MACROD2: variants seen among roughly 807,000 people sequenced by gnomAD.
MACROD2 encodes ADP-ribose glycohydrolase MACROD2.
A neutral mutation model predicts 70.4 loss-of-function variants in MACROD2; 36 were observed. The ratio of observed to expected loss-of-function variants is 0.51; its 90% CI spans 0.39 to 0.68. MACROD2 has a LOEUF of 0.68. MACROD2 is among the 30% of genes least tolerant of loss of function. MACROD2 has a pLI of 0.00. For missense variants in MACROD2, 496 were observed against 538.4 expected, an observed-to-expected ratio of 0.92 and a Z score of 0.78; for synonymous variants, 172 against 178.8, an observed-to-expected ratio of 0.96 and a Z score of 0.30.
chr20:14,242,154 A>G (rs2081935138), intron 3 of MACROD2, among the ~76,000 whole-genome samples: 1 of 152,190 alleles, frequency 6.6e-6, no homozygotes, highest in Non-Finnish European at 1.5e-5. Context: ...TCCTGCATAC[A>G]TTTAAAAAAT....
chr20:14,704,964 T>C (rs1239015410), intron 5 of MACROD2, among the ~76,000 whole-genome samples: 1 of 152,110 alleles, frequency 6.6e-6, no homozygotes, highest in Non-Finnish European at 1.5e-5. Flanking sequence ...TCTTTTTTTT[T>C]TCAATACATT....
intron 2 of MACROD2, among the ~76,000 whole-genome samples, chr20:14,082,168 T>C (rs1569150560): frequency 1.6e-5 from 1 of 64,480 alleles, no homozygotes; most frequent in African/African-American, 6.3e-5. Flanking sequence ...CATACCTTTC[T>C]TTTTTTTTCT....
chr20:14,230,654 T>TATATATATATATATATATAAAAAAAA, intron 3 of MACROD2, among the ~76,000 whole-genome samples: 1 of 74,244 alleles, frequency 1.3e-5, no homozygotes, highest in Non-Finnish European at 2.3e-5. Context: ...TATATATATA[T>TATATATATATATATATATAAAAAAAA]AACACAGGCT....
chr20:14,308,831 A>G (rs1211393227), intron 3 of MACROD2, among the ~76,000 whole-genome samples: 1 of 152,136 alleles, frequency 6.6e-6, no homozygotes, highest in East Asian at 1.9e-4. Flanking sequence ...AGAGAATAGG[A>G]AAGAAAAAAT....
At chr20:14,362,343 G>T (rs1601528597) in intron 3 of MACROD2, among the ~76,000 whole-genome samples, 1 of 152,180 alleles carries the variant, frequency 6.6e-6, no homozygotes, top group Admixed American at 6.5e-5. Flanking sequence ...CCTAGTGATT[G>T]CTGGAGTCAG....
chr20:15,937,556 C>CT lies in MACROD2; in HGVS notation c.907+13dup, dbSNP rs749520094. On this transcript the variant is annotated intron_variant, in intron 12 of 17. Transcript: ENST00000684519. ...CTGTAAAGATGAAGGTATGAGGCTA[C>CT]TAACTATATCTAATAATTGCAGACT... 1.4e-5 allele frequency: 23 copies of CT among 1,608,926 alleles called. No individual in the cohort carries two copies. The African/African-American group carries it at 2.8e-4, about 20-fold the overall frequency.
chr20:15,504,607 A>G (rs940499024), intron 8 of MACROD2, among the ~76,000 whole-genome samples: 2 of 152,200 alleles, frequency 1.3e-5, no homozygotes, highest in Admixed American at 1.3e-4. Flanking sequence ...TGGCAGAGAA[A>G]CCCAGGGATC....
At chr20:15,172,814 G>A (rs991246107) in intron 5 of MACROD2, among the ~76,000 whole-genome samples, 4 of 152,192 alleles carry the variant, frequency 2.6e-5, no homozygotes, top group African/African-American at 9.6e-5. Context: ...CCTGCCAGTA[G>A]AGCCATACTA....
intron 3 of MACROD2, among the ~76,000 whole-genome samples, chr20:14,333,282 TG>T (rs1448214160): frequency 6.6e-6 from 1 of 152,220 alleles, no homozygotes; most frequent in East Asian, 1.9e-4. Flanking sequence ...TTTCTGTTAC[TG>T]GTTATTTTCC....
At chr20:14,565,775 CT>C (rs1278090523) in intron 4 of MACROD2, among the ~76,000 whole-genome samples, 3 of 151,894 alleles carry the variant, frequency 2.0e-5, no homozygotes, top group Admixed American at 2.0e-4. Flanking sequence ...GTCCCCCTGC[CT>C]TTCTCTGGCT....
intron 5 of MACROD2, among the ~76,000 whole-genome samples, chr20:15,201,351 A>G (rs1454717893): frequency 3.3e-5 from 5 of 152,204 alleles, no homozygotes; most frequent in South Asian, 2.1e-4. Flanking sequence ...AGTTTTAACT[A>G]TTTTGGCCAT....
chr20:15,070,935 T>G (rs1601027796), intron 5 of MACROD2, among the ~76,000 whole-genome samples: 1 of 149,188 alleles, frequency 6.7e-6, no homozygotes, highest in Middle Eastern at 3.6e-3. Flanking sequence ...CCCAAAAAAG[T>G]CTTAAATTAT....
chr20:14,049,578 T>TAA (rs770690841), intron 2 of MACROD2, among the ~76,000 whole-genome samples: 4 of 118,192 alleles, frequency 3.4e-5, no homozygotes, highest in African/African-American at 9.5e-5. Context: ...CTGTCTCTAC[T>TAA]AAAAAAAAAA....
rs772929335 is a variant in MACROD2, at chr20:14,485,506, C to T, written c.272-7973C>T. On this transcript the variant is annotated intron_variant, in intron 3 of 17. Transcript: ENST00000684519. ...CACGAGGTCGGGAAATCAGGATCAT[C>T]CTGGCTAACACGGTGAAACCCCGTC... Among the ~76,000 whole-genome samples, 72 of 151,996 alleles carry T rather than the reference C, an allele frequency of 4.7e-4. No homozygotes were observed. In the Middle Eastern group the frequency reaches 0.024, roughly 50 times the overall value.
intron 8 of MACROD2, among the ~76,000 whole-genome samples, chr20:15,517,017 A>G (rs62193941): frequency 0.11 from 17,135 of 152,142 alleles, 966 homozygotes; most frequent in East Asian, 0.16. Context: ...CACATAACAC[A>G]TTGTTTCCTT....
intron 3 of MACROD2, among the ~76,000 whole-genome samples, chr20:14,248,613 T>C (rs1445074870): frequency 5.9e-5 from 9 of 151,940 alleles, no homozygotes; most frequent in Admixed American, 6.6e-5. Context: ...AAATAAAATA[T>C]TGTGTAAAAT....
chr20:15,012,056 C>G (rs1452211538), intron 5 of MACROD2, among the ~76,000 whole-genome samples: 5 of 152,130 alleles, frequency 3.3e-5, no homozygotes, highest in African/African-American at 4.8e-5. Flanking sequence ...TAGTAAATTC[C>G]TTTTATTAAA....
At chr20:15,519,777 A>G (rs1005290100) in intron 8 of MACROD2, among the ~76,000 whole-genome samples, 2 of 152,202 alleles carry the variant, frequency 1.3e-5, no homozygotes, top group Admixed American at 1.3e-4. Flanking sequence ...GAGAAGCCTT[A>G]TCTCCCTCTG....
intron 8 of MACROD2, among the ~76,000 whole-genome samples, chr20:15,853,502 G>A (rs1164888057): frequency 1.3e-5 from 2 of 152,186 alleles, no homozygotes; most frequent in African/African-American, 4.8e-5. Flanking sequence ...ATTTGGAACA[G>A]ATGTGGAGGA....
Sources: gnomAD v4.1 joint callset for allele counts (sites outside exome capture counted in the v4.1 genomes callset) on GRCh38, gnomAD v4.1.1 for gene constraint, MANE v1.5 for transcripts, NCBI Gene and HGNC (gene_info 2026-07-23, HGNC 2026-07-21) for gene names.